SLC35F4: variants seen among roughly 807,000 people sequenced by gnomAD.
SLC35F4 encodes solute carrier family 35 member F4.
Under a neutral mutation model 44.2 loss-of-function variants are expected in SLC35F4, and 24 were observed. The observed-to-expected ratio is 0.54, with a 90% CI of 0.39 to 0.76. SLC35F4 has a LOEUF of 0.76. Among genes scored for constraint, SLC35F4 ranks in the 30% least tolerant of loss-of-function variants. The probability of loss-of-function intolerance (pLI) is 0.00; values close to 1 mark genes in which losing one functional copy is unlikely to be tolerated. For missense variants in SLC35F4, 562 were observed against 586.1 expected (o/e 0.96, Z 0.42); for synonymous variants, 238 against 223.6 (o/e 1.06, Z -0.57).
intron 1 of SLC35F4, among the ~76,000 whole-genome samples, chr14:57,655,057 T>A (rs1256115855): frequency 6.6e-6 from 1 of 152,118 alleles, no homozygotes; most frequent in Non-Finnish European, 1.5e-5. Context: ...CTCCACCATC[T>A]CAGAATCACC....
At chr14:57,759,886 T>G (rs1369273754) in intron 1 of SLC35F4, among the ~76,000 whole-genome samples, 1 of 151,842 alleles carries the variant, frequency 6.6e-6, no homozygotes, top group Admixed American at 6.5e-5. Flanking sequence ...GCTTGTTTTT[T>G]TTTTTTGTTT....
rs1234814171 is a variant in SLC35F4 at position 57,865,576 on chromosome 14, G to T, written c.103+147C>A. 3.6e-5 allele frequency: 22 copies of T among 607,210 alleles called. No homozygotes were observed. In the South Asian group the frequency reaches 4.6e-4, roughly 13 times the overall value. 37.6% of individuals were successfully genotyped at this position (607,210 alleles called of 1,614,324 possible). A position where few individuals can be genotyped will look rare whatever the true frequency, so the allele number is the denominator to read the frequency against. ...GCGGACATACTTTTCTCCCCGGGGGGTCCCCGCCGCCAGGAAGGCGGTGTT... is the reference window on the plus strand; with the variant it reads ...GCGGACATACTTTTCTCCCCGGGGGTTCCCCGCCGCCAGGAAGGCGGTGTT... On this transcript the variant is annotated intron_variant, in intron 1 of 7. Transcript: ENST00000556826.
At chr14:57,815,003 A>G (rs1489409135) in intron 1 of SLC35F4, among the ~76,000 whole-genome samples, 1 of 152,202 alleles carries the variant, frequency 6.6e-6, no homozygotes, top group African/African-American at 2.4e-5. Context: ...GTATTTGTAA[A>G]TAAGATTTCA....
At chr14:57,846,336 C>T (rs1476027321) in intron 1 of SLC35F4, among the ~76,000 whole-genome samples, 1 of 152,126 alleles carries the variant, frequency 6.6e-6, no homozygotes, top group Non-Finnish European at 1.5e-5. Flanking sequence ...GGATTCCTTC[C>T]ACAAGGATAA....
chr14:57,875,172 C>T (rs150240392), intron 1 of SLC35F4, among the ~76,000 whole-genome samples: 1 of 152,230 alleles, frequency 6.6e-6, no homozygotes, highest in African/African-American at 2.4e-5. Context: ...TATGTGTAAT[C>T]TCCTACTGAA....
intron 1 of SLC35F4, among the ~76,000 whole-genome samples, chr14:57,729,999 G>A (rs942958131): frequency 6.6e-6 from 1 of 152,164 alleles, no homozygotes; most frequent in African/African-American, 2.4e-5. Context: ...GCAGCACTGT[G>A]TTCAATGTAA....
At chr14:57,921,874 A>C (rs1889451123) in intron 1 of SLC35F4, among the ~76,000 whole-genome samples, 1 of 152,212 alleles carries the variant, frequency 6.6e-6, no homozygotes, top group African/African-American at 2.4e-5. Context: ...TTTCAATGTT[A>C]TTTCAACAAT....
At chr14:57,874,710 C>T (rs1246158640) in intron 1 of SLC35F4, among the ~76,000 whole-genome samples, 2 of 152,152 alleles carry the variant, frequency 1.3e-5, no homozygotes, top group African/African-American at 2.4e-5. Flanking sequence ...CAAATCAAAT[C>T]TACTCATGTT....
intron 1 of SLC35F4, among the ~76,000 whole-genome samples, chr14:57,901,237 A>G (rs1888994056): frequency 1.3e-5 from 2 of 152,266 alleles, no homozygotes; most frequent in South Asian, 4.1e-4. Context: ...TCATTGCAGC[A>G]CTATTTACAA....
At chr14:57,602,668 A>G (rs762232859) in intron 1 of SLC35F4, 12 of 152,168 alleles carry the variant, frequency 7.9e-5, no homozygotes, top group Non-Finnish European at 1.6e-4. Context: ...ACCTTGTGCA[A>G]TGCAACTAGT....
chr14:57,747,623 C>T (rs1039333803), intron 1 of SLC35F4, among the ~76,000 whole-genome samples: 1 of 152,158 alleles, frequency 6.6e-6, no homozygotes, highest in Non-Finnish European at 1.5e-5. Context: ...TGAAGCAAAT[C>T]TCATTTCATT....
chr14:57,598,077 GCCAGAGTGT>G (rs2070599766), intron 1 of SLC35F4, among the ~76,000 whole-genome samples: 1 of 152,114 alleles, frequency 6.6e-6, no homozygotes, highest in Non-Finnish European at 1.5e-5. Context: ...GGACAAGAAG[GCCAGAGTGT>G]CCCTAAACCT....
chr14:57,893,042 C>A (rs1034619200), intron 1 of SLC35F4, among the ~76,000 whole-genome samples: 1 of 152,084 alleles, frequency 6.6e-6, no homozygotes, highest in African/African-American at 2.4e-5. Flanking sequence ...TTGAAGATAA[C>A]AAAAATAGTT....
chr14:57,606,346 ATAACT>A (rs1473770389), intron 1 of SLC35F4, among the ~76,000 whole-genome samples: 1 of 152,176 alleles, frequency 6.6e-6, no homozygotes, highest in Non-Finnish European at 1.5e-5. Context: ...ACCCATACAA[ATAACT>A]TAATGGCATT....
At chr14:57,620,062 T>C (rs2072088949) in intron 1 of SLC35F4, among the ~76,000 whole-genome samples, 1 of 152,070 alleles carries the variant, frequency 6.6e-6, no homozygotes, top group Non-Finnish European at 1.5e-5. Context: ...AAATGTGTGT[T>C]TGATTGGTGT....
At chr14:57,564,947 C>G (rs1301717080) in intron 7 of SLC35F4, among the ~76,000 whole-genome samples, 1 of 152,140 alleles carries the variant, frequency 6.6e-6, no homozygotes, top group African/African-American at 2.4e-5. Flanking sequence ...GCTTTTTTCC[C>G]CCTATAGATT....
At chr14:57,785,388 A>AGTAGT (rs1302081352) in intron 1 of SLC35F4, among the ~76,000 whole-genome samples, 1 of 152,242 alleles carries the variant, frequency 6.6e-6, no homozygotes, top group Non-Finnish European at 1.5e-5. Flanking sequence ...GAAATGAGAC[A>AGTAGT]GTAGTACATA....
rs1292163848 is a variant in SLC35F4 at position 57,628,669 on chromosome 14, T to A, written c.104-34545A>T. The stretch of plus-strand genomic sequence containing the variant: ...TGCTTAGTATTCCATGGTGTATATG[T>A]GCCACATTTTCTTTATCCAGCTAAA... On this transcript the variant is annotated intron_variant, in intron 1 of 7. Transcript: ENST00000556826. 2.0e-5 allele frequency among the ~76,000 whole-genome samples: 3 copies of A among 152,094 alleles called. No homozygotes were observed. In the South Asian group the frequency reaches 6.2e-4, roughly 32 times the overall value.
At chr14:57,568,370 G>A (rs2068310493) in intron 6 of SLC35F4, among the ~76,000 whole-genome samples, 1 of 152,254 alleles carries the variant, frequency 6.6e-6, no homozygotes, top group Admixed American at 6.5e-5. Context: ...CATGTGCAAT[G>A]AGGAGGCTAA....
Sources: gnomAD v4.1 joint callset for allele counts (sites outside exome capture counted in the v4.1 genomes callset) on GRCh38, gnomAD v4.1.1 for gene constraint, MANE v1.5 for transcripts, NCBI Gene and HGNC (gene_info 2026-07-23, HGNC 2026-07-21) for gene names.